PRMT3: variants seen among roughly 807,000 people sequenced by gnomAD.
PRMT3 encodes protein arginine N-methyltransferase 3.
PRMT3 carries 62 observed loss-of-function variants against 71.9 expected under a neutral mutation model. The ratio of observed to expected loss-of-function variants is 0.86; its 90% CI spans 0.70 to 1.07. The LOEUF (loss-of-function observed/expected upper bound fraction) is 1.07, where lower values mean the gene tolerates loss of function less well. Ranked by LOEUF, PRMT3 falls within the 50% of genes least tolerant of loss-of-function variation. PRMT3 has a pLI of 0.00. For synonymous variants in PRMT3, 213 were observed against 220.4 expected, an observed-to-expected ratio of 0.97 and a Z score of 0.30; for missense variants, 663 against 643.0, an observed-to-expected ratio of 1.03 and a Z score of -0.34.
chr11:20,401,143 C>T (rs1364971792), intron 7 of PRMT3, among the ~76,000 whole-genome samples: 1 of 152,044 alleles, frequency 6.6e-6, no homozygotes, highest in African/African-American at 2.4e-5. Flanking sequence ...AGCAGCAGTG[C>T]ATGGCATTAG....
At position 20,506,652 on chromosome 11, in the gene PRMT3, TA is replaced by T. The variant is rs1018649210; in HGVS notation, c.1487-1649del. ...TGAATATGGGGAATTTGTATTTTTT[TA>T]AATACGATATTCATTCAGTACTTCA... is the stretch of plus-strand genomic sequence containing the variant. On this transcript the variant is annotated intron_variant, in intron 15 of 15. Transcript: ENST00000331079. 6.6e-5 allele frequency among the ~76,000 whole-genome samples: 10 copies of T among 152,346 alleles called. No homozygotes were observed. The East Asian group carries it at 1.3e-3, about 21-fold the overall frequency.
chr11:20,479,746 A>T (rs564847827), intron 13 of PRMT3, among the ~76,000 whole-genome samples: 1 of 152,188 alleles, frequency 6.6e-6, no homozygotes, highest in Non-Finnish European at 1.5e-5. Flanking sequence ...TGAGATAAAG[A>T]TATTTCTGTA....
At chr11:20,399,705 G>C (rs1288375841) in intron 7 of PRMT3, among the ~76,000 whole-genome samples, 1 of 152,118 alleles carries the variant, frequency 6.6e-6, no homozygotes, top group Non-Finnish European at 1.5e-5. Context: ...TGAGTGTTGT[G>C]AGTACAATCA....
intron 9 of PRMT3, among the ~76,000 whole-genome samples, chr11:20,411,212 T>C (rs1301591488): frequency 6.6e-6 from 1 of 152,064 alleles, no homozygotes; most frequent in African/African-American, 2.4e-5. Flanking sequence ...ATAAAATAGG[T>C]AGAGACATGT....
chr11:20,500,561 A>AAT (rs1433117347), intron 15 of PRMT3, among the ~76,000 whole-genome samples: 10 of 152,230 alleles, frequency 6.6e-5, no homozygotes, highest in African/African-American at 2.4e-5. Flanking sequence ...AAGTCAGTAT[A>AAT]ACAAATAATC....
chr11:20,464,656 GA>G, intron 13 of PRMT3, 110 bp downstream of exon 13: 1 of 1,492,004 alleles, frequency 6.7e-7, no homozygotes, highest in Non-Finnish European at 8.9e-7. Context: ...TATTGCCTCT[GA>G]CAGTCTACCA....
At chr11:20,426,928 G>T in intron 10 of PRMT3, 63 bp downstream of exon 10, 1 of 1,450,390 alleles carries the variant, frequency 6.9e-7, no homozygotes, top group Non-Finnish European at 9.0e-7. Flanking sequence ...TAAAGTAATA[G>T]TTTTCATGAA....
chr11:20,426,204 C>T (rs532676923), intron 9 of PRMT3, among the ~76,000 whole-genome samples: 33 of 152,326 alleles, frequency 2.2e-4, no homozygotes, highest in Non-Finnish European at 3.8e-4. Flanking sequence ...TTTATAGATA[C>T]ATGTATAGCT....
intron 11 of PRMT3, among the ~76,000 whole-genome samples, chr11:20,454,548 A>G (rs1850225177): frequency 6.6e-6 from 1 of 152,200 alleles, no homozygotes; most frequent in Non-Finnish European, 1.5e-5. Flanking sequence ...AGTGCTGTTG[A>G]ATCTTATTTG....
At chr11:20,391,557 G>A (rs1848716098) in intron 3 of PRMT3, among the ~76,000 whole-genome samples, 1 of 151,920 alleles carries the variant, frequency 6.6e-6, no homozygotes, top group African/African-American at 2.4e-5. Flanking sequence ...TGTTTTTAAT[G>A]TTGCATTTCT....
chr11:20,452,511 C>A (rs1327306992), intron 11 of PRMT3, among the ~76,000 whole-genome samples: 1 of 152,072 alleles, frequency 6.6e-6, no homozygotes, highest in Admixed American at 6.6e-5. Flanking sequence ...ATCTAACAAA[C>A]TCCTTTTTAT....
intron 10 of PRMT3, among the ~76,000 whole-genome samples, chr11:20,433,224 A>G (rs1450382692): frequency 6.6e-6 from 1 of 152,004 alleles, no homozygotes; most frequent in Non-Finnish European, 1.5e-5. Context: ...ACCCTCAAGT[A>G]GGCCCCAGTG....
intron 12 of PRMT3, 57 bp from the exon 13 acceptor site, chr11:20,464,403 T>TG: frequency 6.8e-7 from 1 of 1,468,520 alleles, no homozygotes; most frequent in African/African-American, 1.5e-5. Context: ...TATTTTTTGT[T>TG]TTTTTTTTTT....
At chr11:20,436,185 T>A (rs1849755851) in intron 10 of PRMT3, among the ~76,000 whole-genome samples, 1 of 152,226 alleles carries the variant, frequency 6.6e-6, no homozygotes, top group South Asian at 2.1e-4. Context: ...TTATTGAATG[T>A]GTTTGTCAGC....
chr11:20,452,546 C>G (rs780444471), intron 11 of PRMT3, among the ~76,000 whole-genome samples: 1 of 152,072 alleles, frequency 6.6e-6, no homozygotes, highest in Non-Finnish European at 1.5e-5. Flanking sequence ...TCATTTAGTT[C>G]CCTTTTTTCC....
chr11:20,502,031 G>T (rs1357648513), intron 15 of PRMT3, among the ~76,000 whole-genome samples: 1 of 152,016 alleles, frequency 6.6e-6, no homozygotes, highest in African/African-American at 2.4e-5. Context: ...CATTGCTCCG[G>T]AAGAAATTAA....
intron 11 of PRMT3, among the ~76,000 whole-genome samples, chr11:20,453,318 T>TAAAAAAA (rs35130616): frequency 2.1e-5 from 2 of 96,804 alleles, no homozygotes; most frequent in African/African-American, 3.9e-5. Flanking sequence ...CCGTCTTTAC[T>TAAAAAAA]AAAAAAAAAA....
At chr11:20,393,079 G>A (rs1848752494) in intron 5 of PRMT3, 80 bp downstream of exon 5, 1 of 843,520 alleles carries the variant, frequency 1.2e-6, no homozygotes, top group Non-Finnish European at 1.9e-6. Flanking sequence ...AGTGTTTTAG[G>A]AAAAGACATG....
chr11:20,459,795 A>G (rs1850342893), intron 11 of PRMT3, among the ~76,000 whole-genome samples: 1 of 152,208 alleles, frequency 6.6e-6, no homozygotes, highest in Admixed American at 6.5e-5. Context: ...GGTTCAACAA[A>G]CTAAATACAC....
Sources: gnomAD v4.1 joint callset for allele counts (sites outside exome capture counted in the v4.1 genomes callset) on GRCh38, gnomAD v4.1.1 for gene constraint, MANE v1.5 for transcripts, NCBI Gene and HGNC (gene_info 2026-07-23, HGNC 2026-07-21) for gene names.